The following RARB variants were observed in gnomAD, a reference collection of about 807,000 sequenced individuals.
The protein encoded by RARB is retinoic acid receptor beta, also known as HBV-activated protein.
In RARB, 17 loss-of-function variants were observed where a neutral mutation model predicts 51.9. The observed-to-expected ratio is 0.33, with a 90% confidence interval of 0.22 to 0.49. RARB has a LOEUF of 0.49. RARB is among the 20% of genes least tolerant of loss of function. The probability of loss-of-function intolerance (pLI) is 0.99; values close to 1 mark genes in which losing one functional copy is unlikely to be tolerated. For synonymous variants in RARB, 215 were observed against 195.4 expected, an observed-to-expected ratio of 1.10 and a Z score of -0.84; for missense variants, 369 against 550.8, an observed-to-expected ratio of 0.67 and a Z score of 3.30.
chr3:24,830,549 C>G (rs189257385), intron 1 of RARB, among the ~76,000 whole-genome samples: 1 of 151,028 alleles, frequency 6.6e-6, no homozygotes, highest in Non-Finnish European at 1.5e-5. Context: ...GGGTGAGTTT[C>G]CCTGACACTC....
At chr3:25,173,154 C>G (rs1260009344) in intron 4 of RARB, among the ~76,000 whole-genome samples, 1 of 152,132 alleles carries the variant, frequency 6.6e-6, no homozygotes, top group East Asian at 1.9e-4. Context: ...TACAGCCAGC[C>G]CACTCTAGAA....
At chr3:25,583,961 C>T (rs1575541826) in intron 5 of RARB, among the ~76,000 whole-genome samples, 2 of 152,196 alleles carry the variant, frequency 1.3e-5, no homozygotes, top group Admixed American at 6.5e-5. Flanking sequence ...GACCCCTTCA[C>T]CTGGCTCTGC....
At position 25,547,359 on chromosome 3, in the gene RARB, C is replaced by A. The variant is rs1187619249; in HGVS notation, c.449-22399C>A. Among the ~76,000 whole-genome samples, 5 of 152,306 alleles carry A rather than the reference C, an allele frequency of 3.3e-5. No homozygotes were observed. In the East Asian group the frequency reaches 9.6e-4, roughly 29 times the overall value. The stretch of plus-strand genomic sequence containing the variant: ...AGGCCAGAAAAACAGAGGTCTCCTC[C>A]CACCATTGGAATTTCAGCAGACTAA... On this transcript the variant is annotated intron_variant, in intron 3 of 7. Transcript: ENST00000330688.
intron 4 of RARB, among the ~76,000 whole-genome samples, chr3:25,171,689 G>C (rs1323148582): frequency 2.5e-5 from 3 of 117,722 alleles, no homozygotes; most frequent in Non-Finnish European, 5.4e-5. Context: ...ATTGTGCCCT[G>C]CGGGGGTGGA....
chr3:24,986,801 C>T (rs1204461307), intron 2 of RARB, among the ~76,000 whole-genome samples: 5 of 152,128 alleles, frequency 3.3e-5, no homozygotes, highest in Non-Finnish European at 7.3e-5. Flanking sequence ...AGCCTTCACC[C>T]TGTTAACTCC....
At chr3:24,864,622 C>T (rs557803642) in intron 2 of RARB, among the ~76,000 whole-genome samples, 4 of 152,266 alleles carry the variant, frequency 2.6e-5, no homozygotes, top group South Asian at 2.1e-4. Context: ...CAACTCCTGG[C>T]GTCAAACTCC....
At chr3:25,432,771 G>T (rs1274704977) in intron 1 of RARB, among the ~76,000 whole-genome samples, 2 of 152,054 alleles carry the variant, frequency 1.3e-5, no homozygotes, top group African/African-American at 4.8e-5. Flanking sequence ...AAATAACAAA[G>T]ATTATAAATT....
chr3:24,988,378 AC>A (rs1270464196), intron 2 of RARB, among the ~76,000 whole-genome samples: 3 of 152,222 alleles, frequency 2.0e-5, no homozygotes, highest in Non-Finnish European at 2.9e-5. Context: ...ACTATAAAAT[AC>A]TTCAAATATA....
Position 25,521,765 on chromosome 3 carries a change from T to C in RARB, c.448+20442T>C, listed in dbSNP as rs1011858911. Among the ~76,000 whole-genome samples, 5 of 152,128 alleles carry C rather than the reference T, an allele frequency of 3.3e-5. No homozygotes were observed. The East Asian group carries it at 9.7e-4, about 29-fold the overall frequency. On this transcript the variant is annotated intron_variant, in intron 3 of 7. Coordinates refer to ENST00000330688, the MANE Select transcript of RARB (RefSeq NM_000965.5). ...CTATAAAACAAGGGCATTGAGGCAA[T>C]AATTGGTAAGATCCCTTCCAGACAT... is the stretch of plus-strand genomic sequence containing the variant.
At chr3:25,058,688 T>G (rs967456638) in intron 2 of RARB, among the ~76,000 whole-genome samples, 7 of 151,804 alleles carry the variant, frequency 4.6e-5, no homozygotes, top group African/African-American at 1.7e-4. Context: ...TGTTCACTAT[T>G]ACTAATTTAA....
intron 2 of RARB, among the ~76,000 whole-genome samples, chr3:25,053,816 A>G (rs1698385982): frequency 6.6e-6 from 1 of 152,152 alleles, no homozygotes; most frequent in South Asian, 2.1e-4. Context: ...TTTATGAGGA[A>G]GGCTATCATC....
chr3:25,043,070 G>C (rs71311521), intron 2 of RARB, among the ~76,000 whole-genome samples: 5 of 152,220 alleles, frequency 3.3e-5, no homozygotes, highest in African/African-American at 1.2e-4. Context: ...GGGAGCGACC[G>C]TCAGAGGGTG....
intron 2 of RARB, among the ~76,000 whole-genome samples, chr3:25,499,287 T>A (rs867565658): frequency 7.1e-6 from 1 of 141,032 alleles, no homozygotes; most frequent in Non-Finnish European, 1.5e-5. Context: ...GTTCAACACA[T>A]TTGATGATGT....
chr3:25,574,155 C>T (rs536565842), intron 4 of RARB, among the ~76,000 whole-genome samples: 1 of 152,306 alleles, frequency 6.6e-6, no homozygotes, highest in South Asian at 2.1e-4. Flanking sequence ...GCTCTGAGGA[C>T]GTGTTCTCCG....
chr3:25,384,516 G>A lies in RARB; in HGVS notation c.179-76677G>A, dbSNP rs930641570. Among the ~76,000 whole-genome samples, 6 of 152,138 alleles carry A rather than the reference G, an allele frequency of 3.9e-5. No homozygotes were observed. In the East Asian group the frequency reaches 1.2e-3, roughly 29 times the overall value. The stretch of plus-strand genomic sequence containing the variant: ...AGATGGTGATGGCCCTGCATCCCTG[G>A]GGACAGGAGGGGAGGGACCTGTTCC... On this transcript the variant is annotated intron_variant, in intron 5 of 11. Transcript: ENST00000383772.
intron 5 of RARB, among the ~76,000 whole-genome samples, chr3:25,350,555 C>T (rs566857385): frequency 1.3e-5 from 2 of 152,272 alleles, no homozygotes; most frequent in Middle Eastern, 6.8e-3. Flanking sequence ...ATAGCACTCA[C>T]CACTGCCTAA....
At chr3:25,131,095 C>T (rs893915019) in intron 3 of RARB, among the ~76,000 whole-genome samples, 2 of 151,276 alleles carry the variant, frequency 1.3e-5, no homozygotes, top group Non-Finnish European at 3.0e-5. Flanking sequence ...TGGAATCAAC[C>T]TCTTTGTCTT....
At chr3:24,884,042 C>T (rs1218281846) in intron 2 of RARB, among the ~76,000 whole-genome samples, 1 of 152,000 alleles carries the variant, frequency 6.6e-6, no homozygotes, top group Non-Finnish European at 1.5e-5. Flanking sequence ...TTCCTGACAC[C>T]AACGATTTTG....
chr3:24,895,670 A>G (rs1217753837), intron 2 of RARB, among the ~76,000 whole-genome samples: 2 of 151,334 alleles, frequency 1.3e-5, no homozygotes, highest in East Asian at 1.9e-4. Context: ...CTGGGTCTTT[A>G]AAAAGAGACT....
Sources: gnomAD v4.1 joint callset for allele counts (sites outside exome capture counted in the v4.1 genomes callset) on GRCh38, gnomAD v4.1.1 for gene constraint, MANE v1.5 for transcripts, NCBI Gene and HGNC (gene_info 2026-07-23, HGNC 2026-07-21) for gene names.